WDHD1: variants seen among roughly 807,000 people sequenced by gnomAD.
The protein encoded by WDHD1 is WD repeat and HMG-box DNA-binding protein 1.
WDHD1 carries 111 observed loss-of-function variants against 135.4 expected under a neutral mutation model. The ratio of observed to expected loss-of-function variants is 0.82; its 90% CI spans 0.70 to 0.96. WDHD1 has a LOEUF of 0.96. Among genes scored for constraint, WDHD1 ranks in the 40% least tolerant of loss-of-function variants. The pLI, the probability that WDHD1 is intolerant of heterozygous loss-of-function variation, is 0.00. For synonymous variants in WDHD1, 434 were observed against 439.0 expected (o/e 0.99, Z 0.14); for missense variants, 1,351 against 1,336.3 (o/e 1.01, Z -0.17).
intron 24 of WDHD1, among the ~76,000 whole-genome samples, chr14:54,950,255 T>C (rs1007719066): frequency 1.5e-4 from 23 of 152,186 alleles, no homozygotes; most frequent in African/African-American, 5.1e-4. Context: ...ACCCATGTCA[T>C]GTGCAGAGAC....
intron 24 of WDHD1, among the ~76,000 whole-genome samples, chr14:54,950,872 C>A (rs75160766): frequency 6.6e-6 from 1 of 152,176 alleles, no homozygotes; most frequent in African/African-American, 2.4e-5. Context: ...CACATGGAAA[C>A]TGAACAACCT....
rs372455485 is a variant in WDHD1 at position 54,985,353 on chromosome 14, C to A, written c.1769-493G>T. ...GAACTGCAAGCTGGAGCCTGCCATG[C>A]AAACATTAGGGGAAGGAACACGGAA... On this transcript the variant is annotated intron_variant, in intron 14 of 25. Transcript: ENST00000360586. 5.9e-5 allele frequency among the ~76,000 whole-genome samples: 9 copies of A among 152,220 alleles called. No homozygotes were observed. The East Asian group carries it at 1.2e-3, about 20-fold the overall frequency.
chr14:55,013,685 T>C (rs561089122), intron 2 of WDHD1, 89 bp from the exon 3 acceptor site: 2 of 978,642 alleles, frequency 2.0e-6, no homozygotes, highest in African/African-American at 1.6e-5. Context: ...GTGGGAGGAT[T>C]GCTTGAGGCC....
chr14:55,021,065 G>A (rs2042339028), intron 2 of WDHD1, among the ~76,000 whole-genome samples: 1 of 152,152 alleles, frequency 6.6e-6, no homozygotes, highest in African/African-American at 2.4e-5. Flanking sequence ...GGAGGCAGGA[G>A]AGGCAGGCAT....
At chr14:54,956,366 G>A (rs190049286) in intron 23 of WDHD1, among the ~76,000 whole-genome samples, 118 of 152,156 alleles carry the variant, frequency 7.8e-4, no homozygotes, top group Non-Finnish European at 4.0e-4. Context: ...GGCTGGGTGC[G>A]GTGGCTCATG....
At position 55,027,041 on chromosome 14, in the gene WDHD1, C is replaced by G; in HGVS notation, c.-30G>C. The G allele has an allele frequency of 2.1e-6, 1 of 487,494 alleles. No individual in the cohort carries two copies. The highest frequency in any genetic ancestry group is 2.4e-5 in the South Asian group (1 of 42,522). 30.2% of individuals were successfully genotyped at this position (487,494 alleles called of 1,614,324 possible). Reference sequence around the variant, plus strand: ...GTGGGGACTCACCCGGGTGACCGAGCCTCCGCCACTGAGGATCCACAAGAG... The same window carrying G: ...GTGGGGACTCACCCGGGTGACCGAGGCTCCGCCACTGAGGATCCACAAGAG... On this transcript the variant is annotated 5_prime_UTR_variant, in exon 1 of 26. Coordinates refer to ENST00000360586, the MANE Select transcript of WDHD1 (RefSeq NM_007086.4).
At position 55,000,972 on chromosome 14, in the gene WDHD1, C is replaced by G. The variant is rs762788842; in HGVS notation, c.714G>C (p.Trp238Cys). The change falls in exon 9 of 26, where the codon TGG (tryptophan) becomes TGC (cysteine). Residue 238 changes from tryptophan (W) to cysteine (C), a missense_variant. Physicochemically the swap from Trp to Cys is radical, Grantham distance 215. Coordinates refer to ENST00000360586, the MANE Select transcript of WDHD1 (RefSeq NM_007086.4). ...FISQTLNIVTWSPCGQYLAAG... is the reference protein window; with the variant it reads ...FISQTLNIVTCSPCGQYLAAG... ...CAGCTAAATATTGCCCACAGGGAGA[C>G]CAGGTTACTATATTGAGGGTCTGTA... The G allele has an allele frequency of 1.3e-6, 2 of 1,581,902 alleles. No individual in the cohort carries two copies. Among genetic ancestry groups the G allele is most frequent in the Non-Finnish European group, 1.7e-6 (2 of 1,165,520 alleles).
At chr14:55,009,607 T>C (rs1488314422) in intron 4 of WDHD1, among the ~76,000 whole-genome samples, 1 of 152,038 alleles carries the variant, frequency 6.6e-6, no homozygotes, top group Non-Finnish European at 1.5e-5. Flanking sequence ...CATTTTTGTA[T>C]TTTTAATAGA....
At chr14:54,976,389 G>A (rs1047300537) in intron 16 of WDHD1, among the ~76,000 whole-genome samples, 3 of 152,094 alleles carry the variant, frequency 2.0e-5, no homozygotes, top group African/African-American at 7.2e-5. Context: ...GCCTGGCAGG[G>A]TCTCTCTATG....
chr14:54,974,326 G>A (rs766956655), intron 16 of WDHD1, among the ~76,000 whole-genome samples: 5 of 151,738 alleles, frequency 3.3e-5, no homozygotes, highest in Admixed American at 6.6e-5. Context: ...TTAGCTACTC[G>A]GAAGGCGGAG....
At chr14:55,016,703 A>G (rs1220175416) in intron 2 of WDHD1, among the ~76,000 whole-genome samples, 1 of 152,238 alleles carries the variant, frequency 6.6e-6, no homozygotes, top group Non-Finnish European at 1.5e-5. Context: ...CTTTTTAACG[A>G]AGTTAACCTT....
In WDHD1 at chr14:55,000,639, T is replaced by C; in HGVS notation, c.806A>G (p.Lys269Arg). 6.5e-7 allele frequency: 1 copy of C among 1,546,678 alleles called. No individual in the cohort carries two copies. Among genetic ancestry groups the C allele is most frequent in the Non-Finnish European group, 8.7e-7 (1 of 1,147,068 alleles). ...VETKDCMERVKHEKGYAICGL... is the reference protein window; with the variant it reads ...VETKDCMERVRHEKGYAICGL... ...ACAAATTGCATAACCTTTCTCATGT[T>C]TCACCCTAAAAATTAAAAAGTAGGT... The change falls in exon 10 of 26, where the codon AAA becomes AGA. Residue 269 changes from lysine to arginine, a missense_variant. Lys to Arg is a conservative substitution (Grantham distance 26). Coordinates refer to ENST00000360586, the MANE Select transcript of WDHD1 (RefSeq NM_007086.4).
chr14:54,995,243 A>G (rs1395790314), intron 11 of WDHD1, among the ~76,000 whole-genome samples: 1 of 152,146 alleles, frequency 6.6e-6, no homozygotes, highest in African/African-American at 2.4e-5. Flanking sequence ...AGCCTCCCAA[A>G]GTGCTGGGAT....
chr14:54,965,824 C>T (rs1408041466), intron 18 of WDHD1, among the ~76,000 whole-genome samples: 2 of 151,784 alleles, frequency 1.3e-5, no homozygotes, highest in African/African-American at 4.8e-5. Flanking sequence ...GGCATGGTGG[C>T]ACACGCCTGT....
chr14:55,010,513 G>A (rs2042151726), intron 3 of WDHD1, 53 bp from the exon 4 acceptor site: 1 of 1,399,464 alleles, frequency 7.1e-7, no homozygotes, highest in South Asian at 1.7e-5. Flanking sequence ...CAAATGACTG[G>A]GAGTCTCTCC....
At chr14:55,026,474 G>C (rs1173045343) in intron 2 of WDHD1, among the ~76,000 whole-genome samples, 1 of 152,082 alleles carries the variant, frequency 6.6e-6, no homozygotes, top group East Asian at 1.9e-4. Flanking sequence ...AAAATATATG[G>C]AGAGAAGCTC....
At chr14:54,951,655 C>T (rs1348031450) in intron 24 of WDHD1, among the ~76,000 whole-genome samples, 1 of 152,268 alleles carries the variant, frequency 6.6e-6, no homozygotes, top group African/African-American at 2.4e-5. Context: ...TTTTATGAGG[C>T]CAGCATCATC....
chr14:54,955,441 C>T (rs2140158931), intron 24 of WDHD1, 120 bp downstream of exon 24: 1 of 992,452 alleles, frequency 1.0e-6, no homozygotes, highest in Non-Finnish European at 1.3e-6. Flanking sequence ...TCCAGAATGC[C>T]CACTACCAAT....
rs749597728 is a variant in WDHD1, at chr14:54,963,061, G to T, written c.2422C>A (p.Leu808Met). Residue 808 changes from leucine (L) to methionine (M), a missense_variant, in exon 19 of 26, where the codon CTG becomes ATG. By Grantham distance (15) the Leu-to-Met change is conservative. Coordinates refer to ENST00000360586, the MANE Select transcript of WDHD1 (RefSeq NM_007086.4). The part of the protein sequence containing the change: ...KYASRSRKLI[L>M]AQKLSELAVE... ...GCCAGTTCACTTAGTTTTTGAGCCA[G>T]TATTAATTTCCGAGAGCGAGAAGCA... 1.2e-6 allele frequency: 2 copies of T among 1,612,772 alleles called. No homozygotes were observed. Among genetic ancestry groups the T allele is most frequent in the East Asian group, 4.5e-5 (2 of 44,778 alleles).
Sources: allele counts gnomAD v4.1 joint callset (sites outside exome capture counted in the v4.1 genomes callset), GRCh38; gene constraint gnomAD v4.1.1; transcripts MANE v1.5; gene names NCBI Gene and HGNC (gene_info 2026-07-23, HGNC 2026-07-21).